PRRC2C: variants seen among roughly 807,000 people sequenced by gnomAD.
The protein encoded by PRRC2C is proline rich coiled-coil 2C, also known as protein PRRC2C.
A neutral mutation model predicts 317.2 loss-of-function variants in PRRC2C; 72 were observed. The observed-to-expected ratio is 0.23, with a 90% CI of 0.19 to 0.28. The LOEUF is 0.28. PRRC2C is among the 10% of genes least tolerant of loss of function. The pLI, the probability that PRRC2C is intolerant of heterozygous loss-of-function variation, is 1.00. For synonymous variants in PRRC2C, 1,296 were observed against 1,205.9 expected (o/e 1.07, Z -1.55); for missense variants, 3,074 against 3,459.7 (o/e 0.89, Z 2.80).
intron 24 of PRRC2C, among the ~76,000 whole-genome samples, chr1:171,573,505 TCAAC>T (rs779582803): frequency 6.6e-6 from 1 of 152,078 alleles, no homozygotes; most frequent in Non-Finnish European, 1.5e-5. Context: ...ACATTTGAAA[TCAAC>T]CAAGTGATTT....
intron 10 of PRRC2C, among the ~76,000 whole-genome samples, chr1:171,525,885 G>A (rs1164978184): frequency 6.6e-6 from 1 of 152,178 alleles, no homozygotes; most frequent in Non-Finnish European, 1.5e-5. Context: ...ATATAGGAGA[G>A]AGGTAAGAGA....
At chr1:171,552,028 A>G (rs1365439085) in intron 18 of PRRC2C, among the ~76,000 whole-genome samples, 2 of 152,230 alleles carry the variant, frequency 1.3e-5, no homozygotes, top group Non-Finnish European at 2.9e-5. Flanking sequence ...TGGAGATGGC[A>G]TTGAATCTGT....
intron 6 of PRRC2C, among the ~76,000 whole-genome samples, chr1:171,521,050 C>G (rs1173993693): frequency 1.3e-5 from 2 of 151,758 alleles, no homozygotes; most frequent in South Asian, 2.1e-4. Flanking sequence ...GTGATCTACC[C>G]GCTTCGGCCT....
At chr1:171,588,112 A>G (rs1188092230) in intron 32 of PRRC2C, among the ~76,000 whole-genome samples, 1 of 152,116 alleles carries the variant, frequency 6.6e-6, no homozygotes, top group Non-Finnish European at 1.5e-5. Flanking sequence ...AGCTGGGACT[A>G]CATACACGTG....
chr1:171,553,198 G>A (rs1424059781), intron 18 of PRRC2C, among the ~76,000 whole-genome samples: 2 of 152,062 alleles, frequency 1.3e-5, no homozygotes, highest in African/African-American at 2.4e-5. Flanking sequence ...GGGAGGGTGT[G>A]TGTGTCGAGG....
intron 1 of PRRC2C, among the ~76,000 whole-genome samples, chr1:171,487,017 T>A (rs892162966): frequency 6.6e-6 from 1 of 152,236 alleles, no homozygotes; most frequent in African/African-American, 2.4e-5. Context: ...CTTTAGCATG[T>A]AGTCAAATAG....
rs1410143414 is a variant in PRRC2C at position 171,540,802 on chromosome 1, G to C, written c.3336G>C (p.Val1112=). 1 of 1,613,894 alleles carries C rather than the reference G, an allele frequency of 6.2e-7. No homozygotes were observed. Among genetic ancestry groups the C allele is most frequent in the East Asian group, 2.2e-5 (1 of 44,884 alleles). Residue 1112 remains valine (V), a synonymous_variant, in exon 16 of 35, where the codon GTG becomes GTC. Transcript: ENST00000647382. ...ATACTGAGAAGCCTCTGGAACCTGT[G>C]AGTACTGTTCAGGTAGAGCCTGCAG... The part of the protein sequence containing the change: ...SQDTEKPLEP[V]STVQVEPAVK...
chr1:171,514,601 C>T lies in PRRC2C; in HGVS notation c.356C>T (p.Ala119Val), dbSNP rs1408746767. 1.3e-6 allele frequency: 2 copies of T among 1,561,898 alleles called. No homozygotes were observed. The highest frequency in any genetic ancestry group is 1.7e-6 in the Non-Finnish European group (2 of 1,153,090). The change falls in exon 4 of 35, where the codon GCT becomes GTT. Residue 119 changes from alanine (A) to valine (V), a missense_variant. By Grantham distance (64) the Ala-to-Val change is moderately conservative. Coordinates refer to ENST00000647382, the MANE Select transcript of PRRC2C (RefSeq NM_001387844.1). ...GCAGCTCCCCCAGAAGTAGCACCTG[C>T]TCCCAAATCATGGGCCAGTAACAAG... The part of the protein sequence containing the change: ...GVAAPPEVAP[A>V]PKSWASNKQG...
chr1:171,510,100 C>G (rs1671041588), intron 1 of PRRC2C: 1 of 152,138 alleles, frequency 6.6e-6, no homozygotes, highest in Non-Finnish European at 1.5e-5. Context: ...GATCGCCTGC[C>G]TCAGTCTCCC....
At chr1:171,499,235 G>A (rs1276401051) in intron 1 of PRRC2C, among the ~76,000 whole-genome samples, 2 of 152,210 alleles carry the variant, frequency 1.3e-5, no homozygotes, top group Non-Finnish European at 2.9e-5. Context: ...GATGAGGAAA[G>A]CACGTCTCTT....
chr1:171,563,543 G>T (rs1315345673), intron 20 of PRRC2C, among the ~76,000 whole-genome samples: 1 of 152,040 alleles, frequency 6.6e-6, no homozygotes, highest in Non-Finnish European at 1.5e-5. Context: ...TGCTATAAAG[G>T]AGTACAGAAA....
At chr1:171,529,398 C>A (rs1675359290) in intron 11 of PRRC2C, among the ~76,000 whole-genome samples, 1 of 152,178 alleles carries the variant, frequency 6.6e-6, no homozygotes, top group Admixed American at 6.5e-5. Flanking sequence ...ATAACACACA[C>A]CCCCACCTTT....
At chr1:171,525,492 A>C (rs1418986053) in intron 10 of PRRC2C, among the ~76,000 whole-genome samples, 1 of 152,242 alleles carries the variant, frequency 6.6e-6, no homozygotes, top group East Asian at 1.9e-4. Context: ...GGGAATAAAA[A>C]GGACTACTTT....
rs373856637 is a variant in PRRC2C at position 171,532,396 on chromosome 1, C to G, written c.1308C>G (p.Ser436=). 9.3e-6 allele frequency: 15 copies of G among 1,613,794 alleles called. No homozygotes were observed. Residue 436 remains serine (S), a synonymous_variant, in exon 12 of 35, where the codon TCC becomes TCG. Coordinates refer to ENST00000647382, the MANE Select transcript of PRRC2C (RefSeq NM_001387844.1). ...CTGGAAGACCAGGCCCCTTTCCCTC[C>G]AAGCAGCAAGTAGCTGATGAAGATG... ...AVPGRPGPFP[S]KQQVADEDEI...
intron 20 of PRRC2C, among the ~76,000 whole-genome samples, chr1:171,562,411 CTT>C (rs1682880271): frequency 2.0e-5 from 3 of 152,154 alleles, no homozygotes; most frequent in Admixed American, 2.0e-4. Flanking sequence ...CAGGATCTGA[CTT>C]TTCAAATTAT....
intron 12 of PRRC2C, among the ~76,000 whole-genome samples, chr1:171,534,022 G>A (rs182295184): frequency 2.6e-5 from 4 of 152,238 alleles, no homozygotes; most frequent in Admixed American, 2.0e-4. Context: ...CTAACCTGAC[G>A]TCTCATGCTC....
At chr1:171,588,638 A>T in intron 33 of PRRC2C, 133 bp downstream of exon 33, 1 of 1,015,318 alleles carries the variant, frequency 9.8e-7, no homozygotes, top group Non-Finnish European at 1.4e-6. Context: ...TGAATTTAAC[A>T]ATAAATTTAT....
intron 22 of PRRC2C, 147 bp downstream of exon 22, chr1:171,566,990 T>A: frequency 1.0e-6 from 1 of 952,700 alleles, no homozygotes; most frequent in Non-Finnish European, 1.5e-6. Flanking sequence ...TGTTTCATGA[T>A]TTGCATATGT....
intron 10 of PRRC2C, among the ~76,000 whole-genome samples, chr1:171,527,127 T>C (rs1258443214): frequency 6.6e-6 from 1 of 150,772 alleles, no homozygotes; most frequent in Admixed American, 6.6e-5. Flanking sequence ...AATAGATATA[T>C]CTTTTCTTTT....
Sources: gnomAD v4.1 joint callset for allele counts (sites outside exome capture counted in the v4.1 genomes callset) on GRCh38, gnomAD v4.1.1 for gene constraint, MANE v1.5 for transcripts, NCBI Gene and HGNC (gene_info 2026-07-23, HGNC 2026-07-21) for gene names.